GABRB1: variants seen among roughly 807,000 people sequenced by gnomAD.
GABRB1 encodes the protein gamma-aminobutyric acid type A receptor subunit beta1, also known as gamma-aminobutyric acid receptor subunit beta-1.
GABRB1 carries 17 observed loss-of-function variants against 51.6 expected under a neutral mutation model. The observed-to-expected ratio is 0.33, with a 90% CI of 0.23 to 0.49. The LOEUF is 0.49. Ranked by LOEUF, GABRB1 falls within the 20% of genes least tolerant of loss-of-function variation. The pLI, the probability that GABRB1 is intolerant of heterozygous loss-of-function variation, is 0.99. For missense variants in GABRB1, 410 were observed against 600.6 expected (o/e 0.68, Z 3.32); for synonymous variants, 247 against 218.9 (o/e 1.13, Z -1.14).
At chr4:47,397,129 A>G (rs911960178) in intron 5 of GABRB1, among the ~76,000 whole-genome samples, 1 of 152,094 alleles carries the variant, frequency 6.6e-6, no homozygotes, top group African/African-American at 2.4e-5. Flanking sequence ...TTGTTGCCAC[A>G]CTTTTTTAAT....
intron 3 of GABRB1, among the ~76,000 whole-genome samples, chr4:47,073,856 A>G (rs1727442607): frequency 6.6e-6 from 1 of 152,112 alleles, no homozygotes; most frequent in Non-Finnish European, 1.5e-5. Flanking sequence ...CAGGCTATTT[A>G]TCTGATATGA....
At chr4:47,087,212 A>G (rs183261297) in intron 3 of GABRB1, among the ~76,000 whole-genome samples, 5 of 152,324 alleles carry the variant, frequency 3.3e-5, no homozygotes, top group Non-Finnish European at 7.3e-5. Context: ...GCCCAGACAT[A>G]CCTGAACTTC....
intron 3 of GABRB1, among the ~76,000 whole-genome samples, chr4:47,098,124 G>T (rs1210238362): frequency 4.7e-5 from 7 of 150,470 alleles, no homozygotes; most frequent in East Asian, 2.0e-4. Flanking sequence ...AACTATCAAG[G>T]TTCCCTGGAA....
chr4:47,369,537 AAC>A (rs1300973471), intron 5 of GABRB1, among the ~76,000 whole-genome samples: 2 of 152,162 alleles, frequency 1.3e-5, no homozygotes, highest in Non-Finnish European at 2.9e-5. Flanking sequence ...AGTTTGTGAC[AAC>A]AGTTATTAAG....
chr4:47,107,491 T>A (rs1292851603), intron 3 of GABRB1, among the ~76,000 whole-genome samples: 2 of 152,226 alleles, frequency 1.3e-5, no homozygotes, highest in Middle Eastern at 3.4e-3. Context: ...TTGCATTGGG[T>A]ATCATTGTTT....
At chr4:47,130,906 A>T (rs1190696431) in intron 3 of GABRB1, among the ~76,000 whole-genome samples, 2 of 152,192 alleles carry the variant, frequency 1.3e-5, no homozygotes, top group Middle Eastern at 3.2e-3. Context: ...GAAAGTTATT[A>T]ATGTCCATTA....
chr4:47,405,309 G>A (rs984787483), intron 7 of GABRB1, among the ~76,000 whole-genome samples: 2 of 152,052 alleles, frequency 1.3e-5, no homozygotes, highest in Admixed American at 6.5e-5. Flanking sequence ...AGTCAAATCC[G>A]GGAATATACA....
At chr4:47,069,418 CAG>C (rs369236257) in intron 3 of GABRB1, among the ~76,000 whole-genome samples, 121 of 152,240 alleles carry the variant, frequency 7.9e-4, no homozygotes, top group South Asian at 2.9e-3. Context: ...AATATTTTGC[CAG>C]AGTTTCATTA....
At chr4:47,014,067 A>C (rs1724664381) in intron 1 of GABRB1, among the ~76,000 whole-genome samples, 1 of 152,160 alleles carries the variant, frequency 6.6e-6, no homozygotes, top group Non-Finnish European at 1.5e-5. Context: ...ATTTTTGTAT[A>C]TGCTACGAAG....
intron 5 of GABRB1, among the ~76,000 whole-genome samples, chr4:47,376,754 T>TGAAA (rs1727397204): frequency 1.3e-5 from 2 of 149,784 alleles, no homozygotes; most frequent in Admixed American, 6.6e-5. Context: ...TGAAAGGAAA[T>TGAAA]GGAAGGAAAT....
chr4:47,056,845 C>T (rs982153303), intron 3 of GABRB1, among the ~76,000 whole-genome samples: 7 of 152,188 alleles, frequency 4.6e-5, no homozygotes, highest in East Asian at 1.9e-4. Context: ...CAGTGGCTCA[C>T]GCCTGTACTC....
At chr4:47,402,393 T>C (rs1167429570) in intron 5 of GABRB1, among the ~76,000 whole-genome samples, 1 of 152,208 alleles carries the variant, frequency 6.6e-6, no homozygotes, top group African/African-American at 2.4e-5. Context: ...TGAACCTAAA[T>C]AGAAAATGAA....
intron 1 of GABRB1, among the ~76,000 whole-genome samples, chr4:47,023,116 G>A (rs568774718): frequency 2.0e-5 from 3 of 152,064 alleles, no homozygotes; most frequent in East Asian, 3.9e-4. Flanking sequence ...TGTGGGATCC[G>A]AAAATCAAAG....
At chr4:47,251,928 G>T (rs1578035812) in intron 4 of GABRB1, among the ~76,000 whole-genome samples, 1 of 152,130 alleles carries the variant, frequency 6.6e-6, no homozygotes, top group Non-Finnish European at 1.5e-5. Flanking sequence ...CAACTGCAGA[G>T]GGAAAAAGGG....
chr4:47,059,539 G>T (rs935241363), intron 3 of GABRB1, among the ~76,000 whole-genome samples: 1 of 151,952 alleles, frequency 6.6e-6, no homozygotes, highest in African/African-American at 2.4e-5. Context: ...TGGTGTCTGA[G>T]GATTAATGAA....
At chr4:47,048,256 T>C (rs1156899028) in intron 3 of GABRB1, among the ~76,000 whole-genome samples, 2 of 152,152 alleles carry the variant, frequency 1.3e-5, no homozygotes, top group Non-Finnish European at 2.9e-5. Flanking sequence ...GGCTAGGCCA[T>C]TATGAATTAA....
chr4:47,182,605 G>C (rs1718999200), intron 4 of GABRB1, among the ~76,000 whole-genome samples: 3 of 151,870 alleles, frequency 2.0e-5, no homozygotes, highest in African/African-American at 7.3e-5. Flanking sequence ...GAGTTTTTCT[G>C]TTACCCTTTG....
At chr4:46,993,652 G>A (rs1350299053), upstream of GABRB1, 10 of 552,890 alleles carry the variant, frequency 1.8e-5, no homozygotes, top group Admixed American at 3.0e-4. Flanking sequence ...CGCTCAATGT[G>A]TATGTAGAGC....
chr4:47,416,212 G>A (rs1341141180), intron 8 of GABRB1, among the ~76,000 whole-genome samples: 9 of 152,152 alleles, frequency 5.9e-5, no homozygotes, highest in Non-Finnish European at 1.0e-4. Context: ...AAACATAGCA[G>A]GTGAAAATGC....
Sources: gnomAD v4.1 joint callset for allele counts (sites outside exome capture counted in the v4.1 genomes callset) on GRCh38, gnomAD v4.1.1 for gene constraint, MANE v1.5 for transcripts, NCBI Gene and HGNC (gene_info 2026-07-23, HGNC 2026-07-21) for gene names.